ZNF510: variants seen among roughly 807,000 people sequenced by gnomAD.
ZNF510 encodes zinc finger protein 510.
Under a neutral mutation model 18.1 loss-of-function variants are expected in ZNF510, and 15 were observed. The ratio of observed to expected loss-of-function variants is 0.83; its 90% CI spans 0.55 to 1.28. ZNF510 has a LOEUF of 1.28. Ranked by LOEUF, ZNF510 falls within the 50% of genes most tolerant of loss-of-function variation. ZNF510 has a pLI of 0.00. For synonymous variants in ZNF510, 261 were observed against 266.4 expected (o/e 0.98, Z 0.20); for missense variants, 724 against 791.8 (o/e 0.91, Z 1.03).
At chr9:96,764,512 T>C (rs1225984475) in intron 3 of ZNF510, among the ~76,000 whole-genome samples, 2 of 152,222 alleles carry the variant, frequency 1.3e-5, no homozygotes, top group African/African-American at 2.4e-5. Flanking sequence ...TGTTGCATTG[T>C]TTATGGCTGT....
In ZNF510 at chr9:96,759,571, A is replaced by C. The variant is rs1849289471; in HGVS notation, c.1259T>G (p.Ile420Ser). The change falls in exon 6 of 6, where the codon ATT (isoleucine) becomes AGT (serine). Residue 420 changes from isoleucine (I) to serine (S), a missense_variant. Ile to Ser is a moderately radical substitution (Grantham distance 142). Transcript: ENST00000223428. ...TCCTGTGTGAGTTCTCTGATGTTGA[A>C]TGAGATGTCCTTTCTGACAGAAGGA... ...GKSFCQKGHL[I>S]QHQRTHTGEK... is the part of the protein sequence containing the mutation. 1 of 1,614,078 alleles carries C rather than the reference A, an allele frequency of 6.2e-7. No individual in the cohort carries two copies. Among genetic ancestry groups the C allele is most frequent in the Non-Finnish European group, 8.5e-7 (1 of 1,179,990 alleles).
chr9:96,765,134 C>CA (rs1849441558), intron 3 of ZNF510, among the ~76,000 whole-genome samples: 1 of 151,978 alleles, frequency 6.6e-6, no homozygotes, highest in African/African-American at 2.4e-5. Flanking sequence ...ACAACAACAA[C>CA]AACAAAAAAC....
At chr9:96,765,526 T>C (rs1391192436) in intron 3 of ZNF510, among the ~76,000 whole-genome samples, 1 of 152,080 alleles carries the variant, frequency 6.6e-6, no homozygotes, top group Non-Finnish European at 1.5e-5. Context: ...TTTCTTTTTT[T>C]TTTTTGAGAC....
chr9:96,767,535 G>A (rs10116701), intron 3 of ZNF510, among the ~76,000 whole-genome samples: 5,694 of 152,198 alleles, frequency 0.037, 354 homozygotes, highest in African/African-American at 0.13. Context: ...GGAACTAAAT[G>A]AGGTGGGGAC....
intron 3 of ZNF510, among the ~76,000 whole-genome samples, chr9:96,769,623 C>T (rs1849545516): frequency 1.3e-5 from 2 of 151,944 alleles, no homozygotes; most frequent in African/African-American, 2.4e-5. Flanking sequence ...CAAAGGATAC[C>T]ATCAAGATAG....
chr9:96,771,256 A>ATAAC (rs1564440964), intron 3 of ZNF510, among the ~76,000 whole-genome samples: 1 of 152,218 alleles, frequency 6.6e-6, no homozygotes, highest in African/African-American at 2.4e-5. Context: ...GAATCCAGAA[A>ATAAC]TAACTTAAAG....
In ZNF510 at chr9:96,763,153, A is replaced by C. The variant is rs202030260; in HGVS notation, c.317T>G (p.Phe106Cys). The C allele has an allele frequency of 6.2e-7, 1 of 1,614,128 alleles. No individual in the cohort carries two copies. Residue 106 changes from phenylalanine (F) to cysteine (C), a missense_variant, in exon 5 of 6, where the codon TTC becomes TGC. By Grantham distance (205) the Phe-to-Cys change is radical. Transcript: ENST00000223428. ...FKLEQGEEPW[F>C]SEEEFSNQSH... Reference sequence around the variant, plus strand: ...CTGGTTTGAGAATTCCTCCTCTGAGAACCAAGGCTCCTCTCCTTGCTCCAA... The same window carrying C: ...CTGGTTTGAGAATTCCTCCTCTGAGCACCAAGGCTCCTCTCCTTGCTCCAA...
intron 3 of ZNF510, among the ~76,000 whole-genome samples, chr9:96,765,068 G>A (rs1034656059): frequency 1.5e-4 from 23 of 151,934 alleles, no homozygotes; most frequent in Non-Finnish European, 2.5e-4. Context: ...AGCTGAGATC[G>A]CGCCACTGCA....
At chr9:96,764,832 G>A (rs1040652093) in intron 3 of ZNF510, among the ~76,000 whole-genome samples, 2 of 151,876 alleles carry the variant, frequency 1.3e-5, no homozygotes, top group Middle Eastern at 3.2e-3. Context: ...AATGAGTAAC[G>A]GGCCGGGTGC....
Position 96,757,768 on chromosome 9 carries a change from T to C in ZNF510, c.*1010A>G, listed in dbSNP as rs960949884. Reference sequence around the variant, plus strand: ...GCCTAATTTATAAATTAAGGACTAATAATGGAATAATTACAACAACATGCC... The same window carrying C: ...GCCTAATTTATAAATTAAGGACTAACAATGGAATAATTACAACAACATGCC... On this transcript the variant is annotated 3_prime_UTR_variant, in exon 6 of 6. Coordinates refer to ENST00000223428, the MANE Select transcript of ZNF510 (RefSeq NM_014930.3). 1.3e-5 allele frequency: 2 copies of C among 150,410 alleles called. No individual in the cohort carries two copies. Among genetic ancestry groups the C allele is most frequent in the African/African-American group, 5.0e-5 (2 of 39,678 alleles). The allele number at this position is 150,410 out of a possible 1,614,324, so 9.3% of individuals were successfully genotyped here. A position where few individuals can be genotyped will look rare whatever the true frequency, so the allele number is the denominator to read the frequency against.
rs1264536352 is a variant in ZNF510, at chr9:96,760,481, A to C, written c.353-4T>G. The C allele has an allele frequency of 6.3e-7, 1 of 1,579,140 alleles. No homozygotes were observed. The highest frequency in any genetic ancestry group is 1.4e-5 in the African/African-American group (1 of 73,382). ...AGGTCATCACCTCTGTAATCTTCTA[A>C]AACAGAAATATTGAAAACATCTTAT... is the stretch of plus-strand genomic sequence containing the variant. On this transcript the variant is annotated splice_polypyrimidine_tract_variant and splice_region_variant and intron_variant, in intron 5 of 5. Coordinates refer to ENST00000223428, the MANE Select transcript of ZNF510 (RefSeq NM_014930.3).
rs566979923 is a variant in ZNF510 at position 96,757,133 on chromosome 9, G to A, written c.*1645C>T. The A allele has an allele frequency of 1.3e-5, 2 of 152,306 alleles. No homozygotes were observed. The highest frequency in any genetic ancestry group is 4.1e-4 in the South Asian group (2 of 4,830). 9.4% of individuals were successfully genotyped at this position (152,306 alleles called of 1,614,324 possible). ...ACTAGTAAGATGTTGCCTTGGGCAT[G>A]GATTCAATAAAGCCATATAAATCTG... On this transcript the variant is annotated 3_prime_UTR_variant, in exon 6 of 6. Coordinates refer to ENST00000223428, the MANE Select transcript of ZNF510 (RefSeq NM_014930.3).
chr9:96,762,436 G>C (rs1369717565), intron 5 of ZNF510, among the ~76,000 whole-genome samples: 1 of 151,038 alleles, frequency 6.6e-6, no homozygotes, highest in Admixed American at 6.6e-5. Context: ...GTAAACCTGG[G>C]AGGTGGAGCT....
chr9:96,776,108 G>T lies in ZNF510; in HGVS notation c.-39C>A. On this transcript the variant is annotated 5_prime_UTR_variant, in exon 2 of 6. Transcript: ENST00000223428. The stretch of plus-strand genomic sequence containing the variant: ...GCTCTCTGGGCAAGGGGATGAAGAA[G>T]TGCCGCTGGTTGGGCAAATCAAGAC... 1 of 1,571,964 alleles carries T rather than the reference G, an allele frequency of 6.4e-7. No individual in the cohort carries two copies. The highest frequency in any genetic ancestry group is 8.6e-7 in the Non-Finnish European group (1 of 1,156,744).
chr9:96,767,327 C>CA (rs946024030), intron 3 of ZNF510, among the ~76,000 whole-genome samples: 5 of 151,390 alleles, frequency 3.3e-5, no homozygotes, highest in South Asian at 4.2e-4. Flanking sequence ...GACTCTGTCT[C>CA]AAAAAAACAA....
intron 1 of ZNF510, among the ~76,000 whole-genome samples, chr9:96,776,512 C>A (rs527507015): frequency 7.9e-5 from 12 of 152,172 alleles, no homozygotes; most frequent in African/African-American, 2.4e-4. Context: ...TGGTGGCTCA[C>A]GCCTGTAATC....
chr9:96,770,546 T>G (rs1294789193), intron 3 of ZNF510, among the ~76,000 whole-genome samples: 1 of 151,490 alleles, frequency 6.6e-6, no homozygotes, highest in Non-Finnish European at 1.5e-5. Context: ...GATGTTGCAG[T>G]GAACTGAGAT....
rs1208125296 is a variant in ZNF510 at position 96,756,127 on chromosome 9, C to T, written c.*2651G>A. The T allele has an allele frequency of 6.7e-6, 1 of 149,688 alleles. No homozygotes were observed. The highest frequency in any genetic ancestry group is 1.5e-5 in the Non-Finnish European group (1 of 68,028). 9.3% of individuals were successfully genotyped at this position (149,688 alleles called of 1,614,324 possible). A position where few individuals can be genotyped will look rare whatever the true frequency, so the allele number is the denominator to read the frequency against. The stretch of plus-strand genomic sequence containing the variant: ...TAAGCAGCTGTGACTTTTACCCCCA[C>T]TGTACAAAGAAAGGGTGCTTTTTAA... On this transcript the variant is annotated 3_prime_UTR_variant, in exon 6 of 6. Transcript: ENST00000223428.
chr9:96,761,591 A>G (rs1849348590), intron 5 of ZNF510, among the ~76,000 whole-genome samples: 1 of 140,170 alleles, frequency 7.1e-6, no homozygotes, highest in African/African-American at 3.3e-5. Flanking sequence ...AATTCACACA[A>G]CTTCTCTATG....
Sources: allele counts gnomAD v4.1 joint callset (sites outside exome capture counted in the v4.1 genomes callset), GRCh38; gene constraint gnomAD v4.1.1; transcripts MANE v1.5; gene names NCBI Gene and HGNC (gene_info 2026-07-23, HGNC 2026-07-21).